Variants in CDH12 observed in about 807,000 individuals in gnomAD.
CDH12 encodes the protein cadherin 12.
CDH12 carries 41 observed loss-of-function variants against 74.1 expected under a neutral mutation model. That is an observed-to-expected ratio of 0.55 (90% CI 0.43 to 0.72). The LOEUF (loss-of-function observed/expected upper bound fraction) is 0.72, where lower values mean the gene tolerates loss of function less well. Ranked by LOEUF, CDH12 falls within the 30% of genes least tolerant of loss-of-function variation. CDH12 has a pLI of 0.00. For synonymous variants in CDH12, 399 were observed against 355.0 expected, an observed-to-expected ratio of 1.12 and a Z score of -1.39; for missense variants, 945 against 977.2, an observed-to-expected ratio of 0.97 and a Z score of 0.44.
At chr5:22,833,115 T>C (rs1736690673) in intron 1 of CDH12, among the ~76,000 whole-genome samples, 1 of 152,174 alleles carries the variant, frequency 6.6e-6, no homozygotes, top group African/African-American at 2.4e-5. Flanking sequence ...CAGGTAGATA[T>C]CTAGTGGTTT....
chr5:22,034,288 G>A (rs1251924898), intron 5 of CDH12, among the ~76,000 whole-genome samples: 1 of 152,188 alleles, frequency 6.6e-6, no homozygotes, highest in Non-Finnish European at 1.5e-5. Flanking sequence ...GCCCACCTCG[G>A]CCTCCCAGCA....
intron 3 of CDH12, among the ~76,000 whole-genome samples, chr5:22,235,833 G>A (rs926750074): frequency 1.3e-5 from 2 of 152,078 alleles, no homozygotes. Flanking sequence ...TCATCGTTAG[G>A]CAATTTCTTC....
intron 1 of CDH12, among the ~76,000 whole-genome samples, chr5:22,758,336 C>T (rs1167629126): frequency 1.3e-5 from 2 of 151,962 alleles, no homozygotes; most frequent in East Asian, 3.9e-4. Flanking sequence ...TACCTTAGAC[C>T]CTTCTGGCGA....
intron 1 of CDH12, among the ~76,000 whole-genome samples, chr5:22,525,296 A>G (rs913843010): frequency 1.3e-5 from 2 of 152,186 alleles, no homozygotes; most frequent in Non-Finnish European, 2.9e-5. Context: ...TTATAGCAGC[A>G]CATCTCATAT....
intron 3 of CDH12, among the ~76,000 whole-genome samples, chr5:22,322,953 A>G (rs1561312215): frequency 6.6e-6 from 1 of 152,174 alleles, no homozygotes. Flanking sequence ...ATCCTTATCA[A>G]TCACCCTAAA....
At chr5:22,636,872 G>T (rs953489658) in intron 1 of CDH12, among the ~76,000 whole-genome samples, 1 of 152,168 alleles carries the variant, frequency 6.6e-6, no homozygotes, top group African/African-American at 2.4e-5. Context: ...TAAATGCAGT[G>T]GTACTCTGTG....
intron 3 of CDH12, among the ~76,000 whole-genome samples, chr5:22,291,747 T>C (rs1419837857): frequency 1.3e-5 from 2 of 152,128 alleles, no homozygotes; most frequent in Non-Finnish European, 2.9e-5. Flanking sequence ...TGGATTGGAT[T>C]AATTAATATT....
Position 22,596,452 on chromosome 5 carries a change from A to AT in CDH12, c.-522-91089_-522-91088insA, listed in dbSNP as rs796105075. 5.7e-4 allele frequency among the ~76,000 whole-genome samples: 87 copies of AT among 152,090 alleles called. 1 individual carries two copies. The highest frequency in any genetic ancestry group is 2.0e-3 in the African/African-American group (83 of 41,484). On this transcript the variant is annotated intron_variant, in intron 1 of 14. Coordinates refer to ENST00000382254, the MANE Select transcript of CDH12 (RefSeq NM_004061.5). Reference sequence around the variant, plus strand: ...GTGAAACTCCATCTCAAAGAAAAAAAATATATACACAAAAACAATCTGTCT... The same window carrying AT: ...GTGAAACTCCATCTCAAAGAAAAAAATATATATACACAAAAACAATCTGTCT...
intron 4 of CDH12, among the ~76,000 whole-genome samples, chr5:22,191,581 T>G (rs1260130705): frequency 1.0e-5 from 1 of 96,784 alleles, no homozygotes; most frequent in Non-Finnish European, 2.1e-5. Flanking sequence ...TTTTTTTTTT[T>G]TGAGACGGAG....
chr5:22,070,849 C>A (rs1432308796), intron 5 of CDH12, among the ~76,000 whole-genome samples: 1 of 152,092 alleles, frequency 6.6e-6, no homozygotes, highest in African/African-American at 2.4e-5. Flanking sequence ...GACGTGGATG[C>A]CTTTATCCTC....
intron 9 of CDH12, among the ~76,000 whole-genome samples, chr5:21,811,518 A>C (rs890232585): frequency 6.6e-6 from 1 of 152,042 alleles, no homozygotes; most frequent in Non-Finnish European, 1.5e-5. Flanking sequence ...AGCAAAAAAA[A>C]CACTAGTGAC....
intron 6 of CDH12, among the ~76,000 whole-genome samples, chr5:21,909,584 C>T (rs1290955220): frequency 6.6e-6 from 1 of 152,088 alleles, no homozygotes; most frequent in Non-Finnish European, 1.5e-5. Context: ...TACATTTCAC[C>T]TTCTACATAA....
At chr5:22,746,720 AT>A (rs1745314472) in intron 1 of CDH12, among the ~76,000 whole-genome samples, 1 of 152,202 alleles carries the variant, frequency 6.6e-6, no homozygotes, top group Admixed American at 6.5e-5. Context: ...AATTATTTTT[AT>A]TGTACATCTG....
intron 3 of CDH12, among the ~76,000 whole-genome samples, chr5:22,398,806 A>C (rs1742579699): frequency 6.6e-6 from 1 of 152,148 alleles, no homozygotes; most frequent in Admixed American, 6.6e-5. Context: ...TACATTCCAA[A>C]ATAAAAGATA....
intron 6 of CDH12, among the ~76,000 whole-genome samples, chr5:21,953,143 C>G (rs1342120901): frequency 6.6e-6 from 1 of 151,774 alleles, no homozygotes; most frequent in Non-Finnish European, 1.5e-5. Context: ...TGAGGGCCAC[C>G]TATGAGGCTT....
intron 1 of CDH12, among the ~76,000 whole-genome samples, chr5:22,743,078 G>T (rs1330566809): frequency 1.3e-5 from 2 of 151,274 alleles, no homozygotes; most frequent in African/African-American, 2.4e-5. Flanking sequence ...CAAAATATTA[G>T]CTCTTTCCAG....
At chr5:22,376,632 T>A (rs1476754860) in intron 3 of CDH12, among the ~76,000 whole-genome samples, 1 of 150,910 alleles carries the variant, frequency 6.6e-6, no homozygotes, top group East Asian at 2.0e-4. Context: ...TCCTCCCACC[T>A]CAGCCTTATG....
intron 3 of CDH12, among the ~76,000 whole-genome samples, chr5:22,330,884 G>A (rs1323248193): frequency 3.3e-5 from 5 of 152,056 alleles, no homozygotes; most frequent in Admixed American, 6.6e-5. Flanking sequence ...CTCCTGGACA[G>A]CATTTCTGGA....
chr5:22,424,070 C>CAT (rs1743789541), intron 2 of CDH12, among the ~76,000 whole-genome samples: 1 of 145,682 alleles, frequency 6.9e-6, no homozygotes, highest in South Asian at 2.2e-4. Flanking sequence ...AGGGTGACTG[C>CAT]ATTATGCTTG....
Sources: allele counts gnomAD v4.1 joint callset (sites outside exome capture counted in the v4.1 genomes callset), GRCh38; gene constraint gnomAD v4.1.1; transcripts MANE v1.5; gene names NCBI Gene and HGNC (gene_info 2026-07-23, HGNC 2026-07-21).